Variants in NCOA2 observed in about 807,000 individuals in gnomAD.
NCOA2 encodes the protein class E basic helix-loop-helix protein 75.
In NCOA2, 21 loss-of-function variants were observed where a neutral mutation model predicts 145.1. The ratio of observed to expected loss-of-function variants is 0.14; its 90% CI spans 0.10 to 0.21. The LOEUF (loss-of-function observed/expected upper bound fraction) is 0.21. Ranked by LOEUF, NCOA2 falls within the 10% of genes least tolerant of loss-of-function variation. The pLI is 1.00. For missense variants in NCOA2, 1,472 were observed against 1,837.6 expected (o/e 0.80, Z 3.64); for synonymous variants, 619 against 637.5 (o/e 0.97, Z 0.44).
chr8:70,361,128 G>C (rs1483989183), intron 1 of NCOA2, among the ~76,000 whole-genome samples: 1 of 152,068 alleles, frequency 6.6e-6, no homozygotes, highest in Admixed American at 6.6e-5. Context: ...AAATGACCCT[G>C]ATCTTAATCT....
At chr8:70,179,087 A>G (rs1051132818) in intron 4 of NCOA2, among the ~76,000 whole-genome samples, 3 of 152,228 alleles carry the variant, frequency 2.0e-5, no homozygotes, top group Non-Finnish European at 4.4e-5. Context: ...TAAGAGAATG[A>G]GAAATTTTTA....
At chr8:70,279,617 TAG>T (rs765214528) in intron 2 of NCOA2, among the ~76,000 whole-genome samples, 19 of 152,164 alleles carry the variant, frequency 1.2e-4, no homozygotes, top group Non-Finnish European at 2.4e-4. Context: ...TCACAGCCTC[TAG>T]AGTGACCAGG....
At position 70,316,975 on chromosome 8, in the gene NCOA2, G is replaced by A. The variant is rs182519293; in HGVS notation, c.-76-20175C>T. Among the ~76,000 whole-genome samples, 358 of 152,196 alleles carry A rather than the reference G, an allele frequency of 2.4e-3. 3 individuals are homozygous for A. Among genetic ancestry groups the A allele is most frequent in the South Asian group, 5.4e-3 (26 of 4,804 alleles). On this transcript the variant is annotated intron_variant, in intron 1 of 22. Coordinates refer to ENST00000452400, the MANE Select transcript of NCOA2 (RefSeq NM_006540.4). ...GTTCGGAAGGTTGTAAGTTCCTCAC[G>A]GTTCAGACTCTGATCTCTGCGTGGA... is the stretch of plus-strand genomic sequence containing the variant.
intron 15 of NCOA2, among the ~76,000 whole-genome samples, chr8:70,132,222 A>G (rs1038807643): frequency 7.9e-5 from 12 of 152,166 alleles, no homozygotes; most frequent in Non-Finnish European, 1.5e-4. Context: ...TTAAGGTATG[A>G]TTTTTATTTC....
At chr8:70,327,134 C>G (rs1323682085) in intron 1 of NCOA2, among the ~76,000 whole-genome samples, 3 of 152,178 alleles carry the variant, frequency 2.0e-5, no homozygotes, top group African/African-American at 7.2e-5. Context: ...CATTCGGCTT[C>G]TGTCATCACT....
intron 1 of NCOA2, among the ~76,000 whole-genome samples, chr8:70,323,822 G>T (rs1161322844): frequency 6.6e-6 from 1 of 152,062 alleles, no homozygotes; most frequent in African/African-American, 2.4e-5. Flanking sequence ...CTCCCAAAAA[G>T]ATCCAAAATT....
the NCOA2 span, among the ~76,000 whole-genome samples, chr8:70,435,797 T>C: frequency 5.8e-4 from 88 of 152,088 alleles, no homozygotes; most frequent in Non-Finnish European, 1.0e-3. Context: ...TTGTGAATGT[T>C]CACTTTGTGT....
chr8:70,139,945 G>C (rs1411417370), intron 14 of NCOA2, among the ~76,000 whole-genome samples: 1 of 151,884 alleles, frequency 6.6e-6, no homozygotes, highest in Non-Finnish European at 1.5e-5. Context: ...GAATTATTTA[G>C]CTCTTCCTCA....
chr8:70,144,577 G>T, intron 13 of NCOA2, 65 bp downstream of exon 13: 1 of 1,315,860 alleles, frequency 7.6e-7, no homozygotes, highest in Non-Finnish European at 1.1e-6. Context: ...CTAGTTTGAT[G>T]TGGATAAATA....
Position 70,144,764 on chromosome 8 carries a change from G to A in NCOA2, c.2690C>T (p.Thr897Ile). 1 of 1,614,004 alleles carries A rather than the reference G, an allele frequency of 6.2e-7. No individual in the cohort carries two copies. The highest frequency in any genetic ancestry group is 8.5e-7 in the Non-Finnish European group (1 of 1,179,880). The change falls in exon 13 of 23, where the codon ACT becomes ATT. Residue 897 changes from threonine (T) to isoleucine (I), a missense_variant. Coordinates refer to ENST00000452400, the MANE Select transcript of NCOA2 (RefSeq NM_006540.4). ...GATTGGTGGGAAAGGTCCAGCACCA[G>A]TTGGGCTTTGCAATGTGATGTCAAG... ...LPLDITLQSP[T>I]GAGPFPPIRN...
chr8:70,131,717 T>TA lies in NCOA2; in HGVS notation c.3324+119dup, dbSNP rs200661304. 1,884 of 1,078,426 alleles carry TA rather than the reference T, an allele frequency of 1.7e-3. 10 individuals carry two copies. Among genetic ancestry groups the TA allele is most frequent in the African/African-American group, 0.014 (902 of 62,674 alleles). 66.8% of individuals were successfully genotyped at this position (1,078,426 alleles called of 1,614,324 possible). A position where few individuals can be genotyped will look rare whatever the true frequency, so the allele number is the denominator to read the frequency against. On this transcript the variant is annotated intron_variant, in intron 16 of 22. Transcript: ENST00000452400. ...GAAACAGGGCCAGCCTGTTTTGAGG[T>TA]AAAAAAAACAACAACAATATATTCT...
intron 16 of NCOA2, among the ~76,000 whole-genome samples, chr8:70,129,360 A>T (rs1317558933): frequency 6.6e-6 from 1 of 152,202 alleles, no homozygotes; most frequent in Non-Finnish European, 1.5e-5. Context: ...ATATCTGTAG[A>T]GTTCATTTTA....
chr8:70,242,235 T>C (rs1235556529), intron 2 of NCOA2, among the ~76,000 whole-genome samples: 1 of 152,170 alleles, frequency 6.6e-6, no homozygotes, highest in Non-Finnish European at 1.5e-5. Flanking sequence ...CTCAACATAC[T>C]TCTTAATCTT....
chr8:70,285,866 CTA>C (rs1178907256), intron 2 of NCOA2, among the ~76,000 whole-genome samples: 1 of 152,124 alleles, frequency 6.6e-6, no homozygotes. Context: ...AGAGGAGGCT[CTA>C]TGTCATATCA....
chr8:70,350,599 C>T (rs1212716466), intron 1 of NCOA2, among the ~76,000 whole-genome samples: 5 of 152,126 alleles, frequency 3.3e-5, no homozygotes, highest in Non-Finnish European at 7.4e-5. Flanking sequence ...TATGGTAACA[C>T]AAAAGATTTT....
chr8:70,388,723 A>C (rs1294526793), intron 1 of NCOA2, among the ~76,000 whole-genome samples: 2 of 152,182 alleles, frequency 1.3e-5, no homozygotes, highest in Non-Finnish European at 2.9e-5. Context: ...AAAACACAGA[A>C]TATTAGAAAA....
intron 1 of NCOA2, among the ~76,000 whole-genome samples, chr8:70,364,551 A>C (rs1477533542): frequency 6.6e-6 from 1 of 152,156 alleles, no homozygotes; most frequent in Non-Finnish European, 1.5e-5. Flanking sequence ...TGAAGTGTAA[A>C]AATGCTAATA....
intron 4 of NCOA2, among the ~76,000 whole-genome samples, chr8:70,181,260 C>T (rs1370584899): frequency 6.6e-6 from 1 of 152,176 alleles, no homozygotes; most frequent in African/African-American, 2.4e-5. Flanking sequence ...TACTTAGAAA[C>T]CTAAATGCTA....
intron 4 of NCOA2, among the ~76,000 whole-genome samples, chr8:70,192,833 C>T (rs547238174): frequency 1.2e-4 from 18 of 151,998 alleles, no homozygotes; most frequent in African/African-American, 3.1e-4. Context: ...CTTTGGGAGG[C>T]GGAGGCGGGC....
Sources: allele counts gnomAD v4.1 joint callset (sites outside exome capture counted in the v4.1 genomes callset), GRCh38; gene constraint gnomAD v4.1.1; transcripts MANE v1.5; gene names NCBI Gene and HGNC (gene_info 2026-07-23, HGNC 2026-07-21).